TMX3: variants seen among roughly 807,000 people sequenced by gnomAD.
The protein encoded by TMX3 is protein disulfide-isomerase TMX3.
In TMX3, 40 loss-of-function variants were observed where a neutral mutation model predicts 64.4. The observed-to-expected ratio is 0.62, with a 90% CI of 0.48 to 0.81. The LOEUF (loss-of-function observed/expected upper bound fraction) is 0.81. Among genes scored for constraint, TMX3 ranks in the 30% least tolerant of loss-of-function variants. The pLI, the probability that TMX3 is intolerant of heterozygous loss-of-function variation, is 0.00. For missense variants in TMX3, 497 were observed against 534.5 expected, an observed-to-expected ratio of 0.93 and a Z score of 0.69; for synonymous variants, 189 against 175.7, an observed-to-expected ratio of 1.08 and a Z score of -0.60.
At position 68,714,984 on chromosome 18, in the gene TMX3, T is replaced by C; in HGVS notation, c.-3A>G. On this transcript the variant is annotated 5_prime_UTR_variant, in exon 1 of 16. Transcript: ENST00000299608. ...GTCCAACTCTTCCACGCTGCCATGC[T>C]AGCCCGGGAGAGCTGCAGAAGCTGA... The C allele has an allele frequency of 6.4e-7, 1 of 1,571,696 alleles. No individual in the cohort carries two copies. Among genetic ancestry groups the C allele is most frequent in the Non-Finnish European group, 8.6e-7 (1 of 1,159,178 alleles).
chr18:68,690,969 C>A (rs1914464049), intron 9 of TMX3: 1 of 255,938 alleles, frequency 3.9e-6, no homozygotes, highest in African/African-American at 2.2e-5. Context: ...AAGTCTTTTT[C>A]TGTATCTGAA....
chr18:68,703,349 C>CA (rs1431054965), intron 4 of TMX3, among the ~76,000 whole-genome samples: 1 of 152,054 alleles, frequency 6.6e-6, no homozygotes, highest in Non-Finnish European at 1.5e-5. Context: ...TAAATTATAT[C>CA]AAAATGTATT....
chr18:68,693,403 G>A (rs1301936227), intron 8 of TMX3, among the ~76,000 whole-genome samples: 1 of 152,072 alleles, frequency 6.6e-6, no homozygotes, highest in Non-Finnish European at 1.5e-5. Context: ...GCATCCCTGA[G>A]CTCTCCGGGG....
chr18:68,692,037 A>G (rs1394509499), intron 8 of TMX3, among the ~76,000 whole-genome samples: 1 of 152,230 alleles, frequency 6.6e-6, no homozygotes, highest in Non-Finnish European at 1.5e-5. Flanking sequence ...AATAAAATAA[A>G]GACAGTTATC....
At chr18:68,679,928 G>C (rs1294798716) in intron 14 of TMX3, among the ~76,000 whole-genome samples, 1 of 152,152 alleles carries the variant, frequency 6.6e-6, no homozygotes, top group Non-Finnish European at 1.5e-5. Context: ...GAAGGGAAGA[G>C]AGTGAAAAAT....
intron 4 of TMX3, among the ~76,000 whole-genome samples, chr18:68,704,564 T>A (rs1379127942): frequency 2.0e-5 from 3 of 152,182 alleles, no homozygotes; most frequent in African/African-American, 7.2e-5. Flanking sequence ...CAAACATTGA[T>A]TAGGTAGCGG....
intron 4 of TMX3, among the ~76,000 whole-genome samples, chr18:68,706,846 G>A (rs761368832): frequency 2.0e-4 from 31 of 152,168 alleles, no homozygotes; most frequent in Non-Finnish European, 3.8e-4. Context: ...ATATGTGAAC[G>A]GTGGTTTTGA....
In TMX3 at chr18:68,711,148, C is replaced by T. The variant is rs75736525; in HGVS notation, c.141+216G>A. On this transcript the variant is annotated intron_variant, in intron 3 of 15. Coordinates refer to ENST00000299608, the MANE Select transcript of TMX3 (RefSeq NM_019022.5). ...GCTTTTCCTCTTAATATTCTCACCCCCAAAATTTCATCAAAAATACGTTCC... is the reference window on the plus strand; with the variant it reads ...GCTTTTCCTCTTAATATTCTCACCCTCAAAATTTCATCAAAAATACGTTCC... Among the ~76,000 whole-genome samples the T allele has an allele frequency of 9.9e-3, 1,499 of 152,154 alleles. 30 individuals are homozygous for T. Among genetic ancestry groups the T allele is most frequent in the East Asian group, 0.055 (287 of 5,180 alleles).
chr18:68,708,017 G>GTGTATATGTGTATATATGTGTA (rs1568203325), intron 4 of TMX3, among the ~76,000 whole-genome samples: 1 of 127,772 alleles, frequency 7.8e-6, no homozygotes, highest in African/African-American at 4.6e-5. Context: ...GTGTATATGT[G>GTGTATATGTGTATATATGTGTA]TATATATGTG....
chr18:68,688,266 T>C (rs1432602009), intron 9 of TMX3, among the ~76,000 whole-genome samples: 1 of 152,170 alleles, frequency 6.6e-6, no homozygotes, highest in Non-Finnish European at 1.5e-5. Flanking sequence ...ACAGGTAATT[T>C]TTATTACAAT....
At chr18:68,683,479 T>C (rs1913643761) in intron 12 of TMX3, among the ~76,000 whole-genome samples, 1 of 152,174 alleles carries the variant, frequency 6.6e-6, no homozygotes, top group Non-Finnish European at 1.5e-5. Flanking sequence ...TAAAAATATA[T>C]GTATTTCCGA....
intron 8 of TMX3, among the ~76,000 whole-genome samples, chr18:68,696,512 T>C (rs1044505979): frequency 1.3e-5 from 2 of 151,914 alleles, no homozygotes; most frequent in African/African-American, 2.4e-5. Context: ...AGTCTCACTC[T>C]GTCACCCAGA....
chr18:68,684,095 C>T (rs1197952673), intron 12 of TMX3, 95 bp downstream of exon 12: 1 of 884,280 alleles, frequency 1.1e-6, no homozygotes, highest in Non-Finnish European at 1.8e-6. Context: ...CTTTGATTCA[C>T]CTCTAAAAGC....
intron 8 of TMX3, among the ~76,000 whole-genome samples, chr18:68,693,362 T>C (rs1439228312): frequency 6.6e-6 from 1 of 152,082 alleles, no homozygotes; most frequent in Non-Finnish European, 1.5e-5. Context: ...CGGGTATAGC[T>C]GAAGCTGCTC....
At chr18:68,692,053 A>C (rs973555979) in intron 8 of TMX3, among the ~76,000 whole-genome samples, 2 of 152,252 alleles carry the variant, frequency 1.3e-5, no homozygotes, top group Admixed American at 1.3e-4. Context: ...TTATCCTGGA[A>C]AAATTAAAAA....
At chr18:68,695,748 T>C (rs1374610551) in intron 8 of TMX3, among the ~76,000 whole-genome samples, 2 of 152,228 alleles carry the variant, frequency 1.3e-5, no homozygotes, top group East Asian at 1.9e-4. Context: ...AAAGTTCAGT[T>C]GGTATCTGTG....
intron 4 of TMX3, among the ~76,000 whole-genome samples, chr18:68,703,967 G>A (rs1034368347): frequency 6.6e-6 from 1 of 151,920 alleles, no homozygotes; most frequent in Non-Finnish European, 1.5e-5. Flanking sequence ...TTAAAAAAAA[G>A]CAAACAAAGC....
chr18:68,686,467 T>G (rs1338641230), intron 10 of TMX3, among the ~76,000 whole-genome samples: 1 of 152,118 alleles, frequency 6.6e-6, no homozygotes, highest in African/African-American at 2.4e-5. Flanking sequence ...TCCCAGCACT[T>G]TAGGAGGCCA....
chr18:68,677,201 A>G lies in TMX3; in HGVS notation c.1105-8T>C. ...TGAGCTCTTGAATATAGACTGTGGA[A>G]AGAGAATTAAAACTCAGTTCCCTTC... On this transcript the variant is annotated splice_region_variant and splice_polypyrimidine_tract_variant and intron_variant, in intron 15 of 15. Transcript: ENST00000299608. 6.2e-7 allele frequency: 1 copy of G among 1,609,070 alleles called. No homozygotes were observed. The highest frequency in any genetic ancestry group is 8.5e-7 in the Non-Finnish European group (1 of 1,177,850).
Sources: allele counts gnomAD v4.1 joint callset (sites outside exome capture counted in the v4.1 genomes callset), GRCh38; gene constraint gnomAD v4.1.1; transcripts MANE v1.5; gene names NCBI Gene and HGNC (gene_info 2026-07-23, HGNC 2026-07-21).